MYO18A: variants seen among roughly 807,000 people sequenced by gnomAD.
MYO18A encodes the protein unconventional myosin-XVIIIa.
In MYO18A, 78 loss-of-function variants were observed where a neutral mutation model predicts 235.8. The observed-to-expected ratio is 0.33, with a 90% CI of 0.28 to 0.40. The LOEUF is 0.40. Among genes scored for constraint, MYO18A ranks in the 10% least tolerant of loss-of-function variants. The pLI is 1.00. For synonymous variants in MYO18A, 977 were observed against 1,077.8 expected (o/e 0.91, Z 1.83); for missense variants, 2,215 against 2,699.3 (o/e 0.82, Z 3.98).
At chr17:29,116,605 G>T in intron 10 of MYO18A, 150 bp from the exon 11 acceptor site, 16 of 466,672 alleles carry the variant, frequency 3.4e-5, no homozygotes, top group African/African-American at 1.0e-4. Flanking sequence ...GTCAGACTTG[G>T]GACAAACGCA....
At position 29,116,440 on chromosome 17, in the gene MYO18A, T is replaced by G. The variant is rs762928315; in HGVS notation, c.2050+4A>C. ...GGGAAAGCTAACAAGAAACAAGGTT[T>G]TACCTTCAGCAGCTTCTGTAAGGCA... On this transcript the variant is annotated splice_donor_region_variant and intron_variant, in intron 11 of 41. Coordinates refer to ENST00000527372, the MANE Select transcript of MYO18A (RefSeq NM_078471.4). The G allele has an allele frequency of 6.2e-7, 1 of 1,613,942 alleles. No homozygotes were observed. The highest frequency in any genetic ancestry group is 1.7e-5 in the Admixed American group (1 of 60,024).
chr17:29,167,184 C>T (rs1333820365), intron 1 of MYO18A, among the ~76,000 whole-genome samples, 163 bp from the exon 2 acceptor site: 1 of 152,202 alleles, frequency 6.6e-6, no homozygotes, highest in Non-Finnish European at 1.5e-5. Context: ...ATCCTTACAA[C>T]CCTTCTATAG....
At chr17:29,116,595 G>A in intron 10 of MYO18A, 140 bp from the exon 11 acceptor site, 1 of 698,880 alleles carries the variant, frequency 1.4e-6, no homozygotes, top group East Asian at 3.1e-5. Flanking sequence ...CACAACCACA[G>A]TCAGACTTGG....
chr17:29,121,497 G>A lies in MYO18A; in HGVS notation c.1371+50C>T. The stretch of plus-strand genomic sequence containing the variant: ...CCACAGGGGAAGGGCAGAGAGCCAG[G>A]GCAGGGGGTGGGACCAGGAGTCTGC... On this transcript the variant is annotated intron_variant, in intron 5 of 41. Transcript: ENST00000527372. The surrounding 1 kb of genome is among the most constrained non-coding windows in gnomAD (Gnocchi z 4.2). 1.3e-6 allele frequency: 2 copies of A among 1,527,496 alleles called. No homozygotes were observed. The highest frequency in any genetic ancestry group is 1.8e-6 in the Non-Finnish European group (2 of 1,133,572). 94.6% of individuals were successfully genotyped at this position (1,527,496 alleles called of 1,614,324 possible).
At chr17:29,134,098 T>C (rs1415198364) in intron 2 of MYO18A, among the ~76,000 whole-genome samples, 1 of 152,204 alleles carries the variant, frequency 6.6e-6, no homozygotes, top group Non-Finnish European at 1.5e-5. Flanking sequence ...GCATTGTTTT[T>C]ATTTTTTTAT....
At chr17:29,136,216 G>C (rs957950372) in intron 2 of MYO18A, among the ~76,000 whole-genome samples, 2 of 133,160 alleles carry the variant, frequency 1.5e-5, no homozygotes, top group Non-Finnish European at 3.1e-5. Flanking sequence ...GGGTGACCGA[G>C]TGAGACCCCA....
chr17:29,097,523 AC>A (rs1390766910), intron 26 of MYO18A, among the ~76,000 whole-genome samples, 173 bp from the exon 27 acceptor site: 1 of 152,198 alleles, frequency 6.6e-6, no homozygotes, highest in Non-Finnish European at 1.5e-5. Context: ...CCAGGAGAAG[AC>A]CAGAGCATGA....
chr17:29,171,052 C>T (rs777543002), intron 1 of MYO18A, among the ~76,000 whole-genome samples: 5 of 152,128 alleles, frequency 3.3e-5, no homozygotes, highest in East Asian at 1.9e-4. Context: ...GGAGTGGGAT[C>T]GCATGAGGGA....
At chr17:29,177,612 G>A (rs1398186083) in intron 1 of MYO18A, among the ~76,000 whole-genome samples, 4 of 152,064 alleles carry the variant, frequency 2.6e-5, no homozygotes, top group Non-Finnish European at 5.9e-5. Flanking sequence ...TAAAGCACCC[G>A]GGGGTCTGAC....
chr17:29,113,988 C>T, intron 15 of MYO18A, 23 bp downstream of exon 15: 1 of 1,566,966 alleles, frequency 6.4e-7, no homozygotes, highest in Non-Finnish European at 8.7e-7. Flanking sequence ...AAGGCTTGCC[C>T]AAACCCTCTC....
rs919304620 is a variant in MYO18A, at chr17:29,110,373, C to T, written c.3087+63G>A. ...CCTCAGTGTGCTCGGAGTCCCCAGG[C>T]CTGCCTACCAGGGGTAAGGAAGGGT... On this transcript the variant is annotated intron_variant, in intron 18 of 41. Transcript: ENST00000527372. 21 of 1,494,730 alleles carry T rather than the reference C, an allele frequency of 1.4e-5. No individual in the cohort carries two copies. The African/African-American group carries it at 2.6e-4, about 19-fold the overall frequency. The allele number at this position is 1,494,730 out of a possible 1,614,324, so 92.6% of individuals were successfully genotyped here.
At chr17:29,116,055 G>A (rs1323302826) in intron 11 of MYO18A, among the ~76,000 whole-genome samples, 1 of 152,198 alleles carries the variant, frequency 6.6e-6, no homozygotes, top group Non-Finnish European at 1.5e-5. Context: ...AAAGGAGGAG[G>A]TAACTCCACA....
chr17:29,115,521 C>T (rs942252069), intron 12 of MYO18A, 80 bp from the exon 13 acceptor site: 11 of 1,526,240 alleles, frequency 7.2e-6, no homozygotes, highest in Non-Finnish European at 8.9e-6. Context: ...GCCCAGGGCC[C>T]AGTCAGCACG....
chr17:29,154,261 G>A (rs890533613), intron 2 of MYO18A, among the ~76,000 whole-genome samples: 2 of 152,134 alleles, frequency 1.3e-5, no homozygotes, highest in Non-Finnish European at 2.9e-5. Flanking sequence ...GGCAGCCCTG[G>A]GAGAGGCGTG....
At chr17:29,145,607 G>A (rs986269412) in intron 2 of MYO18A, among the ~76,000 whole-genome samples, 14 of 152,286 alleles carry the variant, frequency 9.2e-5, no homozygotes, top group South Asian at 8.3e-4. Flanking sequence ...GTTGTTCATT[G>A]CTCTATCCCC....
chr17:29,094,830 T>C lies in MYO18A; in HGVS notation c.4530A>G (p.Ala1510=). 2 of 1,614,054 alleles carry C rather than the reference T, an allele frequency of 1.2e-6. No homozygotes were observed. Among genetic ancestry groups the C allele is most frequent in the Non-Finnish European group, 1.7e-6 (2 of 1,179,906 alleles). Residue 1510 remains alanine, a synonymous_variant, in exon 30 of 42, where the codon GCA becomes GCG. Transcript: ENST00000527372. ...GAGACACAACCTTCTGGGTGAACCC[T>C]GCAATGTCCATGTCTTTTTCCTGGA... ...QQLEEKDMDI[A]GFTQKVVSLE...
intron 2 of MYO18A, among the ~76,000 whole-genome samples, chr17:29,156,105 T>C: frequency 6.6e-6 from 1 of 152,200 alleles, no homozygotes; most frequent in East Asian, 1.9e-4. Flanking sequence ...AGGCTCCAGC[T>C]GGAATCCATT....
intron 37 of MYO18A, 43 bp downstream of exon 37, chr17:29,089,918 G>C (rs1328065945): frequency 1.7e-5 from 28 of 1,612,450 alleles, no homozygotes; most frequent in Non-Finnish European, 2.2e-5. Context: ...CGCTGGGGCA[G>C]CTCTGCCCTG....
Position 29,099,025 on chromosome 17 carries a change from T to A in MYO18A, c.3637-56A>T, listed in dbSNP as rs557376041. Reference sequence around the variant, plus strand: ...GGGCTCTCAGTCACCCTGGCCAAGCTCGGCCCAGGATCCTCCCCACCACCA... The same window carrying A: ...GGGCTCTCAGTCACCCTGGCCAAGCACGGCCCAGGATCCTCCCCACCACCA... On this transcript the variant is annotated intron_variant, in intron 22 of 41. Coordinates refer to ENST00000527372, the MANE Select transcript of MYO18A (RefSeq NM_078471.4). 16 of 1,603,728 alleles carry A rather than the reference T, an allele frequency of 1.0e-5. No homozygotes were observed. In the East Asian group the frequency reaches 3.1e-4, roughly 31 times the overall value.
Sources: gnomAD v4.1 joint callset for allele counts (sites outside exome capture counted in the v4.1 genomes callset) on GRCh38, gnomAD v4.1.1 for gene constraint, Gnocchi (gnomAD v3.1) non-coding constraint, MANE v1.5 for transcripts, NCBI Gene and HGNC (gene_info 2026-07-23, HGNC 2026-07-21) for gene names.